The following SYNDIG1 variants were observed in gnomAD, a reference collection of about 807,000 sequenced individuals.
SYNDIG1 encodes the protein synapse differentiation inducing 1.
SYNDIG1 carries 9 observed loss-of-function variants against 19.4 expected under a neutral mutation model. The observed-to-expected ratio is 0.46, with a 90% CI of 0.28 to 0.81. The LOEUF (loss-of-function observed/expected upper bound fraction) is 0.81. SYNDIG1 is among the 30% of genes least tolerant of loss of function. The pLI is 0.12. For synonymous variants in SYNDIG1, 141 were observed against 145.9 expected (o/e 0.97, Z 0.24); for missense variants, 311 against 343.3 (o/e 0.91, Z 0.74).
intron 3 of SYNDIG1, among the ~76,000 whole-genome samples, chr20:24,636,724 C>T (rs766988909): frequency 3.9e-5 from 6 of 152,200 alleles, no homozygotes; most frequent in Admixed American, 1.3e-4. Flanking sequence ...CCCATGCAAG[C>T]TTCCAGCTTA....
intron 3 of SYNDIG1, among the ~76,000 whole-genome samples, chr20:24,627,824 A>C (rs982548009): frequency 6.6e-6 from 1 of 152,252 alleles, no homozygotes; most frequent in African/African-American, 2.4e-5. Flanking sequence ...CCTCTTCAGC[A>C]CTTCTTAATG....
intron 3 of SYNDIG1, among the ~76,000 whole-genome samples, chr20:24,595,402 T>G (rs563296135): frequency 6.6e-6 from 1 of 151,844 alleles, no homozygotes; most frequent in African/African-American, 2.4e-5. Flanking sequence ...GTGCTTGTGG[T>G]TTTTGCTGAG....
At position 24,584,993 on chromosome 20, in the gene SYNDIG1, G is replaced by A. The variant is rs758366899; in HGVS notation, c.618G>A (p.Glu206=). ...LGIAAFYLSH[E]TNKAVAKGDL... The stretch of plus-strand genomic sequence containing the variant: ...TCGCAGCCTTCTACTTGTCCCATGA[G>A]GTAAGGCCTCCTTGGTCTGTCGCAC... Residue 206 remains glutamate, a splice_region_variant and synonymous_variant, in exon 3 of 4, where the codon GAG becomes GAA. Transcript: ENST00000376862. 1 of 1,612,594 alleles carries A rather than the reference G, an allele frequency of 6.2e-7. No individual in the cohort carries two copies. The highest frequency in any genetic ancestry group is 8.5e-7 in the Non-Finnish European group (1 of 1,179,528).
chr20:24,488,383 G>T (rs2056031272), intron 1 of SYNDIG1, among the ~76,000 whole-genome samples: 1 of 152,218 alleles, frequency 6.6e-6, no homozygotes, highest in Non-Finnish European at 1.5e-5. Context: ...AGTGCCTTGT[G>T]GGGTGCCCCC....
intron 1 of SYNDIG1, among the ~76,000 whole-genome samples, chr20:24,518,268 C>G (rs749846217): frequency 1.3e-5 from 2 of 151,964 alleles, no homozygotes; most frequent in Non-Finnish European, 2.9e-5. Flanking sequence ...ATAATATTCT[C>G]GGGAGCAAGC....
At chr20:24,573,910 G>T (rs2058184668) in intron 2 of SYNDIG1, among the ~76,000 whole-genome samples, 1 of 152,164 alleles carries the variant, frequency 6.6e-6, no homozygotes, top group African/African-American at 2.4e-5. Flanking sequence ...TGTTACCCTT[G>T]CCTGAGACAC....
chr20:24,486,658 A>AT (rs201460199), intron 1 of SYNDIG1, among the ~76,000 whole-genome samples: 16 of 147,988 alleles, frequency 1.1e-4, no homozygotes, highest in East Asian at 3.9e-4. Context: ...TTATTTATTT[A>AT]ATTTTTTTTT....
chr20:24,643,504 A>G (rs2059398473), intron 3 of SYNDIG1, among the ~76,000 whole-genome samples: 1 of 152,074 alleles, frequency 6.6e-6, no homozygotes, highest in Non-Finnish European at 1.5e-5. Flanking sequence ...TAACTTTATC[A>G]GCTAGAGTGC....
intron 3 of SYNDIG1, among the ~76,000 whole-genome samples, chr20:24,617,301 A>G (rs879401966): frequency 6.6e-6 from 1 of 151,890 alleles, no homozygotes; most frequent in Non-Finnish European, 1.5e-5. Flanking sequence ...AAACTCGGTC[A>G]CCGACTCTGC....
chr20:24,472,847 A>C (rs1485316892), intron 1 of SYNDIG1, among the ~76,000 whole-genome samples: 1 of 152,238 alleles, frequency 6.6e-6, no homozygotes, highest in Non-Finnish European at 1.5e-5. Flanking sequence ...TAGAGGAGTC[A>C]GTCAGACTTT....
At chr20:24,633,469 A>G (rs1172114730) in intron 3 of SYNDIG1, among the ~76,000 whole-genome samples, 1 of 152,118 alleles carries the variant, frequency 6.6e-6, no homozygotes, top group Admixed American at 6.5e-5. Context: ...ACATGGATCA[A>G]TATTAACTGG....
intron 3 of SYNDIG1, among the ~76,000 whole-genome samples, chr20:24,599,880 G>T (rs549521327): frequency 2.0e-5 from 3 of 152,168 alleles, no homozygotes; most frequent in Non-Finnish European, 2.9e-5. Flanking sequence ...GGGTACAAAT[G>T]TACAGTTAGA....
chr20:24,579,775 A>G (rs1210520776), intron 2 of SYNDIG1, among the ~76,000 whole-genome samples: 1 of 152,196 alleles, frequency 6.6e-6, no homozygotes, highest in African/African-American at 2.4e-5. Flanking sequence ...TGCTCACCAG[A>G]GTCGGTGAGC....
At chr20:24,497,060 T>C (rs1481633247) in intron 1 of SYNDIG1, among the ~76,000 whole-genome samples, 1 of 152,248 alleles carries the variant, frequency 6.6e-6, no homozygotes, top group Non-Finnish European at 1.5e-5. Context: ...TCTTAGGAGA[T>C]AGAATTTTAT....
At chr20:24,582,722 C>T (rs1334112087) in intron 2 of SYNDIG1, among the ~76,000 whole-genome samples, 1 of 152,264 alleles carries the variant, frequency 6.6e-6, no homozygotes, top group South Asian at 2.1e-4. Flanking sequence ...TTTCATATCT[C>T]CTTACTGTTT....
At chr20:24,473,411 T>C (rs1357562949) in intron 1 of SYNDIG1, among the ~76,000 whole-genome samples, 1 of 152,188 alleles carries the variant, frequency 6.6e-6, no homozygotes, top group African/African-American at 2.4e-5. Context: ...ATTAGAATAA[T>C]GAAGTTGTCG....
intron 1 of SYNDIG1, among the ~76,000 whole-genome samples, chr20:24,509,524 T>G (rs193170120): frequency 6.6e-6 from 1 of 152,234 alleles, no homozygotes; most frequent in Non-Finnish European, 1.5e-5. Context: ...TGCTGTTGTT[T>G]TCTATAGTCA....
chr20:24,580,856 TTGC>T (rs2058310714), intron 2 of SYNDIG1, among the ~76,000 whole-genome samples: 1 of 152,306 alleles, frequency 6.6e-6, no homozygotes, highest in South Asian at 2.1e-4. Flanking sequence ...AGCTAAATCT[TTGC>T]TTCTTGGGGA....
chr20:24,492,078 C>A (rs1388722353), intron 1 of SYNDIG1, among the ~76,000 whole-genome samples: 3 of 152,214 alleles, frequency 2.0e-5, no homozygotes, highest in Non-Finnish European at 4.4e-5. Context: ...AGGCAAGAGG[C>A]CCCCGGCCGG....
Sources: allele counts gnomAD v4.1 joint callset (sites outside exome capture counted in the v4.1 genomes callset), GRCh38; gene constraint gnomAD v4.1.1; transcripts MANE v1.5; gene names NCBI Gene and HGNC (gene_info 2026-07-23, HGNC 2026-07-21).